Variants in MPDZ observed in about 807,000 individuals in gnomAD.
MPDZ encodes multiple PDZ domain protein.
In MPDZ, 234 loss-of-function variants were observed where a neutral mutation model predicts 239.1. The ratio of observed to expected loss-of-function variants is 0.98; its 90% CI spans 0.88 to 1.09. MPDZ has a LOEUF of 1.09. MPDZ is among the 50% of genes least tolerant of loss of function. MPDZ has a pLI of 0.00. For synonymous variants in MPDZ, 1,048 were observed against 881.3 expected, an observed-to-expected ratio of 1.19 and a Z score of -3.35; for missense variants, 3,175 against 2,510.0, an observed-to-expected ratio of 1.26 and a Z score of -5.66.
intron 36 of MPDZ, among the ~76,000 whole-genome samples, chr9:13,122,921 G>C (rs781473525): frequency 6.6e-6 from 1 of 152,172 alleles, no homozygotes. Flanking sequence ...GAAATTTCAA[G>C]ATCAAAATCA....
intron 26 of MPDZ, among the ~76,000 whole-genome samples, chr9:13,146,123 T>C (rs1948401738): frequency 6.6e-6 from 1 of 152,038 alleles, no homozygotes; most frequent in South Asian, 2.1e-4. Flanking sequence ...CAAATTTTCT[T>C]TCTGAATGGA....
chr9:13,236,067 T>C (rs1405210048), intron 3 of MPDZ, among the ~76,000 whole-genome samples: 7 of 151,276 alleles, frequency 4.6e-5, no homozygotes, highest in Admixed American at 2.0e-4. Context: ...TTTAATATTT[T>C]AGTTTTTATT....
At chr9:13,125,574 C>G (rs149636574) in intron 34 of MPDZ, among the ~76,000 whole-genome samples, 184 bp from the exon 35 acceptor site, 82 of 152,240 alleles carry the variant, frequency 5.4e-4, no homozygotes, top group African/African-American at 1.9e-3. Flanking sequence ...TCTAGCTTTT[C>G]CAAATGCTTG....
intron 19 of MPDZ, among the ~76,000 whole-genome samples, chr9:13,182,017 T>C (rs180871619): frequency 3.1e-4 from 47 of 152,228 alleles, no homozygotes; most frequent in Non-Finnish European, 5.7e-4. Flanking sequence ...TCAAGGAGAC[T>C]GCCCAGCATC....
chr9:13,119,398 T>A, intron 39 of MPDZ, 104 bp downstream of exon 39: 1 of 1,387,798 alleles, frequency 7.2e-7, no homozygotes, highest in Non-Finnish European at 9.8e-7. Flanking sequence ...AGGTGACACT[T>A]TAAATAAAGA....
In MPDZ at chr9:13,126,750, G is replaced by C. The variant is rs755632555; in HGVS notation, c.4487C>G (p.Ala1496Gly). ...ACTGAGTGTATCTTCTTCGCTGATA[G>C]CAATACCCAAACCCCCCTGATCCTA... ...LPKDQGGLGIAISEEDTLSGV... is the reference protein window; with the variant it reads ...LPKDQGGLGIGISEEDTLSGV... The change falls in exon 33 of 47, where the codon GCT (alanine) becomes GGT (glycine). Residue 1496 changes from alanine to glycine, a missense_variant. Coordinates refer to ENST00000319217, the MANE Select transcript of MPDZ (RefSeq NM_001378778.1). The C allele has an allele frequency of 3.1e-6, 5 of 1,613,780 alleles. No individual in the cohort carries two copies. The South Asian group carries it at 4.4e-5, about 14-fold the overall frequency.
In MPDZ at chr9:13,143,509, C is replaced by T; in HGVS notation, c.3797G>A (p.Ser1266Asn). The T allele has an allele frequency of 6.2e-7, 1 of 1,613,080 alleles. No homozygotes were observed. Among genetic ancestry groups the T allele is most frequent in the Non-Finnish European group, 8.5e-7 (1 of 1,179,240 alleles). Reference sequence around the variant, plus strand: ...TAGAGAGTCAGCAAATGGGTTAGTGCTGCTGAAGTTGTACTTAGGGTAAAG... The same window carrying T: ...TAGAGAGTCAGCAAATGGGTTAGTGTTGCTGAAGTTGTACTTAGGGTAAAG... ...HNLYPKYNFSSTNPFADSLQI... is the reference protein window; with the variant it reads ...HNLYPKYNFSNTNPFADSLQI... Residue 1266 changes from serine (S) to asparagine (N), a missense_variant, in exon 27 of 47, where the codon AGC (serine) becomes AAC (asparagine). Transcript: ENST00000319217.
chr9:13,122,249 T>C lies in MPDZ; in HGVS notation c.4954-79A>G, dbSNP rs182751298. 1.3e-4 allele frequency: 161 copies of C among 1,225,278 alleles called. 1 individual carries two copies. The African/African-American group carries it at 2.1e-3, about 16-fold the overall frequency. The allele number at this position is 1,225,278 out of a possible 1,614,324, so 75.9% of individuals were successfully genotyped here. A position where few individuals can be genotyped will look rare whatever the true frequency, so the allele number is the denominator to read the frequency against. ...GAGCAGAAATGGAGTCCAAACACATTATACTTTGATAGACAGCAATAAGGG... is the reference window on the plus strand; with the variant it reads ...GAGCAGAAATGGAGTCCAAACACATCATACTTTGATAGACAGCAATAAGGG... On this transcript the variant is annotated intron_variant, in intron 36 of 46. Coordinates refer to ENST00000319217, the MANE Select transcript of MPDZ (RefSeq NM_001378778.1).
At chr9:13,196,391 A>T (rs545926854) in intron 12 of MPDZ, among the ~76,000 whole-genome samples, 161 bp from the exon 13 acceptor site, 2 of 152,170 alleles carry the variant, frequency 1.3e-5, no homozygotes, top group Non-Finnish European at 2.9e-5. Context: ...AAATACTTCA[A>T]TTAAGAACCC....
At position 13,237,142 on chromosome 9, in the gene MPDZ, T is replaced by C. The variant is rs145086882; in HGVS notation, c.183+10493A>G. 4.8e-3 allele frequency among the ~76,000 whole-genome samples: 732 copies of C among 152,064 alleles called. 4 individuals carry two copies. The highest frequency in any genetic ancestry group is 0.016 in the African/African-American group (649 of 41,472). On this transcript the variant is annotated intron_variant, in intron 3 of 46. Transcript: ENST00000319217. ...AAGAACATGTGTTTTTCATATTCCATGCTTCAAAATGGTAAGCAGGCCAGG... is the reference window on the plus strand; with the variant it reads ...AAGAACATGTGTTTTTCATATTCCACGCTTCAAAATGGTAAGCAGGCCAGG...
At position 13,109,010 on chromosome 9, in the gene MPDZ, C is replaced by T; in HGVS notation, c.5992G>A (p.Gly1998Ser). 1 of 1,597,030 alleles carries T rather than the reference C, an allele frequency of 6.3e-7. No individual in the cohort carries two copies. The highest frequency in any genetic ancestry group is 8.5e-7 in the Non-Finnish European group (1 of 1,170,602). The stretch of plus-strand genomic sequence containing the variant: ...CCATATCCTCCAACTATACTGAAGC[C>T]TAAGCCATCTGGTCCTCGCTCTAGT... ...ITLERGPDGL[G>S]FSIVGGYGSP... Residue 1998 changes from glycine to serine, a missense_variant, in exon 46 of 47, where the codon GGC (glycine) becomes AGC (serine). Transcript: ENST00000319217.
At chr9:13,243,794 A>C (rs1965972546) in intron 3 of MPDZ, among the ~76,000 whole-genome samples, 1 of 152,210 alleles carries the variant, frequency 6.6e-6, no homozygotes, top group Non-Finnish European at 1.5e-5. Flanking sequence ...ATATATGTGT[A>C]AGCCTACACT....
rs545299559 is a variant in MPDZ, at chr9:13,273,593, G to T, written c.-58+5807C>A. ...ATCAAACACACCAAGAGTTGGAGAG[G>T]GGATGATCTGCATCATTCTAGATCA... On this transcript the variant is annotated intron_variant, in intron 1 of 46. Transcript: ENST00000319217. Among the ~76,000 whole-genome samples, 18 of 152,172 alleles carry T rather than the reference G, an allele frequency of 1.2e-4. No individual in the cohort carries two copies. The East Asian group carries it at 3.5e-3, about 29-fold the overall frequency.
intron 31 of MPDZ, 89 bp downstream of exon 31, chr9:13,136,003 C>G: frequency 2.3e-6 from 2 of 860,954 alleles, no homozygotes; most frequent in Non-Finnish European, 3.7e-6. Flanking sequence ...TCTAATATCC[C>G]TCTCTAAGTG....
At chr9:13,203,470 C>T (rs1004832641) in intron 12 of MPDZ, among the ~76,000 whole-genome samples, 5 of 152,222 alleles carry the variant, frequency 3.3e-5, no homozygotes, top group Middle Eastern at 3.4e-3. Context: ...CTCACAACTG[C>T]CCCAAGACTG....
chr9:13,107,137 T>C (rs1378557660), intron 46 of MPDZ, 26 bp from the exon 47 acceptor site: 6 of 1,531,646 alleles, frequency 3.9e-6, no homozygotes, highest in Admixed American at 3.7e-5. Flanking sequence ...TAGACTTGTT[T>C]ATTTCTCAAA....
intron 12 of MPDZ, among the ~76,000 whole-genome samples, chr9:13,199,740 G>A (rs1956152977): frequency 6.6e-6 from 1 of 151,844 alleles, no homozygotes; most frequent in African/African-American, 2.4e-5. Flanking sequence ...TGCTTCTTCA[G>A]CATCTATTTG....
intron 3 of MPDZ, among the ~76,000 whole-genome samples, chr9:13,239,989 A>T (rs1366005979): frequency 1.3e-5 from 2 of 152,136 alleles, no homozygotes; most frequent in East Asian, 3.9e-4. Flanking sequence ...AGCAAAAATT[A>T]TATTCTTATC....
rs1944442817 is a variant in MPDZ, at chr9:13,122,133, G to C, written c.4991C>G (p.Ala1664Gly). 3.7e-6 allele frequency: 6 copies of C among 1,613,936 alleles called. No homozygotes were observed. The highest frequency in any genetic ancestry group is 1.6e-4 in the Middle Eastern group (1 of 6,062). The change falls in exon 37 of 47, where the codon GCA becomes GGA. Residue 1664 changes from alanine to glycine, a missense_variant. Transcript: ENST00000319217. Reference sequence around the variant, plus strand: ...CCAGAGTCTTCCATCTTTACATGCTGCTCCTTCTTCATAAACTTCATGGAT... The same window carrying C: ...CCAGAGTCTTCCATCTTTACATGCTCCTCCTTCTTCATAAACTTCATGGAT... ...IIIHEVYEEG[A>G]ACKDGRLWAG...
Sources: allele counts gnomAD v4.1 joint callset (sites outside exome capture counted in the v4.1 genomes callset), GRCh38; gene constraint gnomAD v4.1.1; transcripts MANE v1.5; gene names NCBI Gene and HGNC (gene_info 2026-07-23, HGNC 2026-07-21).